The following LRRK1 variants were observed in gnomAD, a reference collection of about 807,000 sequenced individuals.
The protein encoded by LRRK1 is leucine-rich repeat serine/threonine-protein kinase 1.
Under a neutral mutation model 209.1 loss-of-function variants are expected in LRRK1, and 113 were observed. The ratio of observed to expected loss-of-function variants is 0.54; its 90% CI spans 0.46 to 0.63. The LOEUF is 0.63. Among genes scored for constraint, LRRK1 ranks in the 30% least tolerant of loss-of-function variants. The probability of loss-of-function intolerance (pLI) is 0.00; values close to 1 mark genes in which losing one functional copy is unlikely to be tolerated. For missense variants in LRRK1, 2,284 were observed against 2,632.2 expected (o/e 0.87, Z 2.89); for synonymous variants, 1,144 against 1,099.7 (o/e 1.04, Z -0.80).
At chr15:100,928,462 CA>C (rs1396845785) in intron 2 of LRRK1, among the ~76,000 whole-genome samples, 1 of 152,190 alleles carries the variant, frequency 6.6e-6, no homozygotes. Flanking sequence ...ACTCAGGGAA[CA>C]CTGTTCAGGC....
At chr15:100,997,422 C>T (rs1051475627) in intron 6 of LRRK1, among the ~76,000 whole-genome samples, 32 of 152,174 alleles carry the variant, frequency 2.1e-4, no homozygotes, top group African/African-American at 7.5e-4. Context: ...GACCTTTGCC[C>T]TGGCTGTCAC....
intron 2 of LRRK1, among the ~76,000 whole-genome samples, chr15:100,941,362 G>C (rs1457024962): frequency 2.0e-5 from 3 of 148,220 alleles, no homozygotes; most frequent in South Asian, 2.1e-4. Flanking sequence ...GTGTGTGTGT[G>C]TGTGCCTGTA....
At position 101,023,243 on chromosome 15, in the gene LRRK1, C is replaced by T. The variant is rs74247580; in HGVS notation, c.2067+646C>T. Among the ~76,000 whole-genome samples, 84 of 152,256 alleles carry T rather than the reference C, an allele frequency of 5.5e-4. No individual in the cohort carries two copies. In the East Asian group the frequency reaches 0.015, roughly 27 times the overall value. ...AGCCCTACTTAAAATGAATCCATCA[C>T]TGCTTGAACCCGGGAGGTGGAGGTT... On this transcript the variant is annotated intron_variant, in intron 15 of 33. Coordinates refer to ENST00000388948, the MANE Select transcript of LRRK1 (RefSeq NM_024652.6).
intron 2 of LRRK1, among the ~76,000 whole-genome samples, chr15:100,927,597 G>A (rs1188261264): frequency 1.3e-5 from 2 of 152,198 alleles, no homozygotes; most frequent in African/African-American, 4.8e-5. Context: ...AATGAGGGAG[G>A]TGTTTGTGCA....
At chr15:100,957,725 G>A (rs923921982) in intron 2 of LRRK1, among the ~76,000 whole-genome samples, 5 of 152,216 alleles carry the variant, frequency 3.3e-5, no homozygotes, top group African/African-American at 1.2e-4. Flanking sequence ...CATATTGCTG[G>A]TTCTTGGATT....
intron 6 of LRRK1, among the ~76,000 whole-genome samples, chr15:101,003,668 GA>G (rs112702006): frequency 0.012 from 1,863 of 152,232 alleles, 48 homozygotes; most frequent in African/African-American, 0.04. Context: ...CAGTATGGGG[GA>G]AACCGCCCCA....
chr15:100,941,460 GTC>G (rs1256539031), intron 2 of LRRK1, among the ~76,000 whole-genome samples: 1,538 of 74,660 alleles, frequency 0.021, 90 homozygotes, highest in African/African-American at 0.078. Flanking sequence ...GTGTGTCTAT[GTC>G]TCTGTGTGTG....
At chr15:100,925,477 T>G (rs1235490690) in intron 2 of LRRK1, among the ~76,000 whole-genome samples, 2 of 152,250 alleles carry the variant, frequency 1.3e-5, no homozygotes, top group African/African-American at 4.8e-5. Flanking sequence ...AGTTGTTTAC[T>G]CCTACTGAGA....
chr15:101,067,738 T>A (rs1343609835), intron 33 of LRRK1, among the ~76,000 whole-genome samples: 2 of 152,206 alleles, frequency 1.3e-5, no homozygotes, highest in Non-Finnish European at 2.9e-5. Flanking sequence ...GCTCCTGAGC[T>A]CTGGCAGAGC....
At chr15:101,064,141 C>G (rs1161886372) in intron 31 of LRRK1, among the ~76,000 whole-genome samples, 1 of 152,266 alleles carries the variant, frequency 6.6e-6, no homozygotes, top group Non-Finnish European at 1.5e-5. Flanking sequence ...GGGCCTGAGC[C>G]AGGACTGCAG....
chr15:100,960,755 G>A (rs2029889509), intron 2 of LRRK1, among the ~76,000 whole-genome samples: 1 of 152,162 alleles, frequency 6.6e-6, no homozygotes, highest in Non-Finnish European at 1.5e-5. Flanking sequence ...TTTGTAGAAC[G>A]AATGAGCAAT....
At chr15:100,989,464 G>T in intron 6 of LRRK1, 66 bp downstream of exon 6, 3 of 1,523,082 alleles carry the variant, frequency 2.0e-6, no homozygotes, top group Non-Finnish European at 2.7e-6. Context: ...GAATCCTGCA[G>T]ACTGGGTAAT....
chr15:100,978,939 A>AG (rs1416618025), intron 3 of LRRK1, among the ~76,000 whole-genome samples: 1 of 152,216 alleles, frequency 6.6e-6, no homozygotes, highest in African/African-American at 2.4e-5. Context: ...CAGTGTTAAA[A>AG]AAAGAAAAGT....
intron 12 of LRRK1, among the ~76,000 whole-genome samples, chr15:101,020,626 G>A (rs749733260): frequency 3.9e-5 from 6 of 151,974 alleles, no homozygotes; most frequent in South Asian, 2.1e-4. Flanking sequence ...CCCCTACCTC[G>A]GCCTCCCAAA....
At chr15:100,963,064 C>T (rs1336339122) in intron 2 of LRRK1, among the ~76,000 whole-genome samples, 1 of 151,436 alleles carries the variant, frequency 6.6e-6, no homozygotes, top group African/African-American at 2.4e-5. Flanking sequence ...CTCAGGTAAT[C>T]TGCCGGCCTC....
At chr15:101,011,561 A>G (rs1159767127) in intron 9 of LRRK1, among the ~76,000 whole-genome samples, 3 of 148,600 alleles carry the variant, frequency 2.0e-5, no homozygotes, top group Non-Finnish European at 4.4e-5. Context: ...TTGCTTGTTA[A>G]AACAGATGGA....
At position 101,022,556 on chromosome 15, in the gene LRRK1, A is replaced by G. The variant is rs765611843; in HGVS notation, c.2026A>G (p.Thr676Ala). 6.2e-7 allele frequency: 1 copy of G among 1,613,548 alleles called. No individual in the cohort carries two copies. Among genetic ancestry groups the G allele is most frequent in the Non-Finnish European group, 8.5e-7 (1 of 1,179,920 alleles). Residue 676 changes from threonine to alanine, a missense_variant, in exon 15 of 34, where the codon ACC becomes GCC. Coordinates refer to ENST00000388948, the MANE Select transcript of LRRK1 (RefSeq NM_024652.6). The surrounding 1 kb of genome is among the most constrained non-coding windows in gnomAD (Gnocchi z 4.0). ...VVHGEATIRT[T>A]KWELQRPAGS... The stretch of plus-strand genomic sequence containing the variant: ...GCATGGAGAGGCCACCATCAGGACC[A>G]CCAAGTGGGAGCTCCAGAGGCCGGC...
At chr15:100,992,451 T>C (rs756965420) in intron 6 of LRRK1, among the ~76,000 whole-genome samples, 2 of 152,250 alleles carry the variant, frequency 1.3e-5, no homozygotes, top group Admixed American at 6.5e-5. Context: ...TCTATACTTA[T>C]ATTACTCTTT....
intron 30 of LRRK1, chr15:101,062,311 G>A (rs1418957697): frequency 7.9e-6 from 3 of 377,690 alleles, no homozygotes; most frequent in East Asian, 5.2e-5. Flanking sequence ...CTGAGAGGCT[G>A]TGCCCCCAGA....
Sources: gnomAD v4.1 joint callset for allele counts (sites outside exome capture counted in the v4.1 genomes callset) on GRCh38, gnomAD v4.1.1 for gene constraint, Gnocchi (gnomAD v3.1) non-coding constraint, MANE v1.5 for transcripts, NCBI Gene and HGNC (gene_info 2026-07-23, HGNC 2026-07-21) for gene names.